GABRG3: variants seen among roughly 807,000 people sequenced by gnomAD.
GABRG3 encodes the protein gamma-aminobutyric acid type A receptor subunit gamma3.
A neutral mutation model predicts 48.8 loss-of-function variants in GABRG3; 25 were observed. That is an observed-to-expected ratio of 0.51 (90% CI 0.37 to 0.72). GABRG3 has a LOEUF of 0.72. Among genes scored for constraint, GABRG3 ranks in the 30% least tolerant of loss-of-function variants. The pLI is 0.00. For missense variants in GABRG3, 394 were observed against 577.9 expected (o/e 0.68, Z 3.26); for synonymous variants, 227 against 217.6 (o/e 1.04, Z -0.38).
rs528025047 is a variant in GABRG3, at chr15:27,447,469, G to A, written c.575-33181G>A. 3.9e-5 allele frequency among the ~76,000 whole-genome samples: 6 copies of A among 152,214 alleles called. No homozygotes were observed. Among genetic ancestry groups the A allele is most frequent in the African/African-American group, 1.2e-4 (5 of 41,540 alleles). ...GTGAATAAACCTGAAGTGTCCAAGTGGGGGAGATGCCATAATTATAGTGAG... is the reference window on the plus strand; with the variant it reads ...GTGAATAAACCTGAAGTGTCCAAGTAGGGGAGATGCCATAATTATAGTGAG... On this transcript the variant is annotated intron_variant, in intron 5 of 9. Transcript: ENST00000615808. The surrounding 1 kb of genome is among the most constrained non-coding windows in gnomAD (Gnocchi z 4.0).
chr15:26,985,121 G>C (rs1283704310), intron 2 of GABRG3, among the ~76,000 whole-genome samples: 1 of 152,232 alleles, frequency 6.6e-6, no homozygotes, highest in Non-Finnish European at 1.5e-5. Flanking sequence ...ATGGTGAGGA[G>C]GTGAGGTGTG....
chr15:27,238,647 G>A (rs1890046814), intron 3 of GABRG3, among the ~76,000 whole-genome samples: 1 of 152,208 alleles, frequency 6.6e-6, no homozygotes, highest in African/African-American at 2.4e-5. Context: ...TGTGTGACAT[G>A]TAATTGACTA....
At chr15:27,066,197 A>G (rs565433048) in intron 3 of GABRG3, among the ~76,000 whole-genome samples, 2 of 152,252 alleles carry the variant, frequency 1.3e-5, no homozygotes, top group Non-Finnish European at 2.9e-5. Flanking sequence ...GATAGAGCTA[A>G]TAGTACTTAC....
intron 2 of GABRG3, among the ~76,000 whole-genome samples, chr15:26,991,265 T>A (rs2140647204): frequency 6.6e-6 from 1 of 152,300 alleles, no homozygotes; most frequent in Non-Finnish European, 1.5e-5. Context: ...TCTATTCTGT[T>A]CCATTGGTTT....
At chr15:27,399,194 C>G (rs756113976) in intron 5 of GABRG3, among the ~76,000 whole-genome samples, 1 of 152,138 alleles carries the variant, frequency 6.6e-6, no homozygotes. Context: ...TTATTAATAA[C>G]GGGCTTTCTA....
At chr15:27,403,042 A>G (rs1041142772) in intron 5 of GABRG3, among the ~76,000 whole-genome samples, 1 of 152,196 alleles carries the variant, frequency 6.6e-6, no homozygotes, top group African/African-American at 2.4e-5. Context: ...AGAATGTTCA[A>G]GTAAGTAAAA....
chr15:27,517,393 C>T (rs575216807), intron 6 of GABRG3, among the ~76,000 whole-genome samples: 1 of 152,350 alleles, frequency 6.6e-6, no homozygotes, highest in East Asian at 1.9e-4. Context: ...CTGGGAAAGG[C>T]AGAGCCTCAG....
intron 5 of GABRG3, among the ~76,000 whole-genome samples, chr15:27,388,306 A>AGGAAAGGGAGG (rs1555376774): frequency 3.3e-5 from 1 of 30,722 alleles, no homozygotes; most frequent in Non-Finnish European, 6.1e-5. Flanking sequence ...GAAGGAAGGA[A>AGGAAAGGGAGG]AGGGAGGGAG....
intron 5 of GABRG3, among the ~76,000 whole-genome samples, chr15:27,388,163 GA>G (rs1224046372): frequency 0.036 from 2,886 of 79,842 alleles, 69 homozygotes; most frequent in Non-Finnish European, 0.046. Context: ...AGGAAGAAAG[GA>G]AGGAAGGAAG....
intron 2 of GABRG3, among the ~76,000 whole-genome samples, chr15:27,005,833 C>T (rs1199770011): frequency 6.6e-6 from 1 of 152,118 alleles, no homozygotes; most frequent in Non-Finnish European, 1.5e-5. Flanking sequence ...AGTTTGTGGC[C>T]AATTTCAATT....
chr15:27,388,762 C>A (rs1407096171), intron 5 of GABRG3, among the ~76,000 whole-genome samples: 2 of 151,902 alleles, frequency 1.3e-5, no homozygotes, highest in Non-Finnish European at 2.9e-5. Context: ...ACCATGGGCC[C>A]CAAGAAACAG....
At chr15:27,202,469 A>T (rs1888715881) in intron 3 of GABRG3, among the ~76,000 whole-genome samples, 1 of 152,140 alleles carries the variant, frequency 6.6e-6, no homozygotes. Flanking sequence ...CTGGAAGCAC[A>T]TTTGTAAATT....
intron 3 of GABRG3, among the ~76,000 whole-genome samples, chr15:27,068,805 A>T (rs1896780036): frequency 6.6e-6 from 1 of 152,188 alleles, no homozygotes; most frequent in Non-Finnish European, 1.5e-5. Context: ...CAAAAATGAA[A>T]GTGAAAAACA....
At chr15:27,199,361 C>T (rs567270300) in intron 3 of GABRG3, among the ~76,000 whole-genome samples, 12 of 152,208 alleles carry the variant, frequency 7.9e-5, no homozygotes, top group African/African-American at 2.4e-4. Context: ...ACTTGATTCC[C>T]GTTTGATGGA....
chr15:27,335,670 T>G (rs1893939736), intron 5 of GABRG3, among the ~76,000 whole-genome samples: 1 of 149,000 alleles, frequency 6.7e-6, no homozygotes. Context: ...GACCAGGGAG[T>G]GGGGGGAGGA....
chr15:27,340,169 G>T (rs1177306656), intron 5 of GABRG3, among the ~76,000 whole-genome samples: 1 of 152,180 alleles, frequency 6.6e-6, no homozygotes, highest in Non-Finnish European at 1.5e-5. Context: ...AGGTGTTATA[G>T]ATTCCCACTT....
At chr15:27,202,690 C>G (rs576991739) in intron 3 of GABRG3, among the ~76,000 whole-genome samples, 1 of 152,228 alleles carries the variant, frequency 6.6e-6, no homozygotes, top group African/African-American at 2.4e-5. Flanking sequence ...GTTAATTGGT[C>G]ATTTGAGTTC....
chr15:27,085,839 A>G (rs1289533264), intron 3 of GABRG3, among the ~76,000 whole-genome samples: 1 of 152,224 alleles, frequency 6.6e-6, no homozygotes, highest in Non-Finnish European at 1.5e-5. Context: ...ATTTTAGTAT[A>G]CTGAAATCCT....
At chr15:27,496,700 A>C (rs1441117782) in intron 6 of GABRG3, among the ~76,000 whole-genome samples, 2 of 152,192 alleles carry the variant, frequency 1.3e-5, no homozygotes, top group Admixed American at 1.3e-4. Flanking sequence ...ATGTCCAAAA[A>C]AGAGGTAATT....
Sources: allele counts gnomAD v4.1 joint callset (sites outside exome capture counted in the v4.1 genomes callset), GRCh38; gene constraint gnomAD v4.1.1; non-coding constraint Gnocchi (gnomAD v3.1); transcripts MANE v1.5; gene names NCBI Gene and HGNC (gene_info 2026-07-23, HGNC 2026-07-21).